CSMD1: variants seen among roughly 807,000 people sequenced by gnomAD.
The protein encoded by CSMD1 is CUB and Sushi multiple domains 1, also known as CUB and sushi domain-containing protein 1.
Under a neutral mutation model 417.5 loss-of-function variants are expected in CSMD1, and 213 were observed. That is an observed-to-expected ratio of 0.51 (90% confidence interval 0.46 to 0.57). The LOEUF is 0.57. Among genes scored for constraint, CSMD1 ranks in the 20% least tolerant of loss-of-function variants. The probability of loss-of-function intolerance (pLI) is 0.00; values close to 1 mark genes in which losing one functional copy is unlikely to be tolerated. For synonymous variants in CSMD1, 2,862 were observed against 1,736.8 expected (o/e 1.65, Z -16.11); for missense variants, 6,923 against 4,529.7 (o/e 1.53, Z -15.17).
intron 3 of CSMD1, among the ~76,000 whole-genome samples, chr8:4,347,383 A>C (rs1354962440): frequency 6.6e-6 from 1 of 152,184 alleles, no homozygotes; most frequent in Non-Finnish European, 1.5e-5. Context: ...ATTTCTTGGG[A>C]CATCTAAGAC....
At position 4,260,558 on chromosome 8, in the gene CSMD1, T is replaced by C. The variant is rs1272814616; in HGVS notation, c.415+159395A>G. On this transcript the variant is annotated intron_variant, in intron 3 of 69. Coordinates refer to ENST00000635120, the MANE Select transcript of CSMD1 (RefSeq NM_033225.6). ...CATAGCCAGAATACCTGGATTTTAT[T>C]GACTCCTGGAGAAAAGTTTGTAATA... Among the ~76,000 whole-genome samples the C allele has an allele frequency of 2.0e-5, 3 of 152,220 alleles. No homozygotes were observed. In the East Asian group the frequency reaches 5.8e-4, roughly 29 times the overall value.
intron 2 of CSMD1, among the ~76,000 whole-genome samples, chr8:4,549,256 A>G (rs1797761345): frequency 6.6e-6 from 1 of 152,208 alleles, no homozygotes; most frequent in African/African-American, 2.4e-5. Flanking sequence ...CAGAATGCCA[A>G]AGAAATTATA....
At chr8:4,097,494 T>C (rs1272836936) in intron 3 of CSMD1, among the ~76,000 whole-genome samples, 1 of 152,208 alleles carries the variant, frequency 6.6e-6, no homozygotes, top group Non-Finnish European at 1.5e-5. Context: ...AAGATTTAGA[T>C]TCCCTTTGAA....
chr8:4,380,104 A>G (rs890113075), intron 3 of CSMD1, among the ~76,000 whole-genome samples: 7 of 152,250 alleles, frequency 4.6e-5, no homozygotes, highest in African/African-American at 1.4e-4. Context: ...GGAGAAAAAT[A>G]AAACAAATTC....
At chr8:3,493,749 T>G in intron 10 of CSMD1, 23 bp from the exon 11 acceptor site, 1 of 1,578,530 alleles carries the variant, frequency 6.3e-7, no homozygotes, top group Non-Finnish European at 8.6e-7. Flanking sequence ...TACGAAACAG[T>G]GACTTAGAAC....
chr8:3,399,603 G>T, intron 15 of CSMD1, 74 bp from the exon 16 acceptor site: 2 of 1,123,360 alleles, frequency 1.8e-6, no homozygotes, highest in Non-Finnish European at 2.4e-6. Flanking sequence ...CCGGATAAAA[G>T]CCAGAATCTG....
chr8:4,008,494 A>C (rs1270937871), intron 4 of CSMD1, among the ~76,000 whole-genome samples: 3 of 151,176 alleles, frequency 2.0e-5, no homozygotes, highest in African/African-American at 7.3e-5. Context: ...CCTTGTTTAC[A>C]CATGATGCAG....
intron 5 of CSMD1, among the ~76,000 whole-genome samples, chr8:3,993,850 C>T (rs139765533): frequency 3.2e-4 from 48 of 152,264 alleles, no homozygotes; most frequent in African/African-American, 1.2e-3. Flanking sequence ...CTCTGCATGC[C>T]CCTCTAAGCA....
At chr8:3,731,492 G>T (rs1012391158) in intron 6 of CSMD1, among the ~76,000 whole-genome samples, 1 of 152,192 alleles carries the variant, frequency 6.6e-6, no homozygotes, top group South Asian at 2.1e-4. Context: ...CCCAGCCACT[G>T]TTGGACAATT....
At chr8:4,535,059 C>T (rs1428724850) in intron 2 of CSMD1, among the ~76,000 whole-genome samples, 1 of 152,144 alleles carries the variant, frequency 6.6e-6, no homozygotes, top group African/African-American at 2.4e-5. Flanking sequence ...CCACGCCTGG[C>T]CAATTTATTT....
intron 1 of CSMD1, among the ~76,000 whole-genome samples, chr8:4,968,021 G>T (rs949805680): frequency 6.6e-6 from 1 of 151,976 alleles, no homozygotes; most frequent in African/African-American, 2.4e-5. Flanking sequence ...TTATATAATT[G>T]AATCTGACAA....
At chr8:3,863,361 A>G (rs1804853186) in intron 5 of CSMD1, among the ~76,000 whole-genome samples, 1 of 147,136 alleles carries the variant, frequency 6.8e-6, no homozygotes, top group African/African-American at 2.5e-5. Flanking sequence ...GTGCCACTGC[A>G]CTCTAGCCTA....
At chr8:3,609,717 T>C (rs965075636) in intron 8 of CSMD1, among the ~76,000 whole-genome samples, 6 of 128,940 alleles carry the variant, frequency 4.7e-5, no homozygotes, top group African/African-American at 1.4e-4. Context: ...ATGTTAGTCA[T>C]TAGTTTTGAT....
At chr8:4,873,468 G>C (rs960858864) in intron 1 of CSMD1, among the ~76,000 whole-genome samples, 1 of 152,038 alleles carries the variant, frequency 6.6e-6, no homozygotes, top group Non-Finnish European at 1.5e-5. Flanking sequence ...AAAAATTCCA[G>C]AAATTTTACT....
intron 30 of CSMD1, among the ~76,000 whole-genome samples, chr8:3,212,483 G>T (rs996217222): frequency 6.6e-6 from 1 of 152,044 alleles, no homozygotes; most frequent in South Asian, 2.1e-4. Flanking sequence ...CAAGCAGCTG[G>T]GACTACAGGC....
rs1408525712 is a variant in CSMD1 at position 3,087,106 on chromosome 8, G to C, written c.7465C>G (p.Leu2489Val). ...GMYQWDSLTP[L>V]CQAVSCGIPE... ...AAAACGCATTTCTTACCCTGGCAGA[G>C]TGGCGTGAGGGAGTCCCACTGGTAC... is the stretch of plus-strand genomic sequence containing the variant. Residue 2489 changes from leucine (L) to valine (V), a missense_variant, in exon 49 of 70, where the codon CTC becomes GTC. Physicochemically the swap from Leu to Val is conservative, Grantham distance 32. Transcript: ENST00000635120. The C allele has an allele frequency of 1.9e-6, 3 of 1,612,994 alleles. No homozygotes were observed. Among genetic ancestry groups the C allele is most frequent in the Non-Finnish European group, 1.7e-6 (2 of 1,179,684 alleles).
At chr8:3,537,722 T>C (rs971475741) in intron 10 of CSMD1, among the ~76,000 whole-genome samples, 10 of 152,214 alleles carry the variant, frequency 6.6e-5, no homozygotes, top group Middle Eastern at 3.2e-3. Context: ...TCATACATTA[T>C]CAAGAATCAA....
intron 8 of CSMD1, among the ~76,000 whole-genome samples, chr8:3,613,577 G>T (rs1050788278): frequency 2.0e-5 from 3 of 151,818 alleles, no homozygotes; most frequent in African/African-American, 7.3e-5. Flanking sequence ...TATTATTTCA[G>T]AATATGAGTT....
chr8:3,059,120 G>A (rs1812420537), intron 49 of CSMD1, among the ~76,000 whole-genome samples: 1 of 151,848 alleles, frequency 6.6e-6, no homozygotes, highest in African/African-American at 2.4e-5. Flanking sequence ...GACGCTGCAA[G>A]TGCAAATGAA....
Sources: allele counts gnomAD v4.1 joint callset (sites outside exome capture counted in the v4.1 genomes callset), GRCh38; gene constraint gnomAD v4.1.1; transcripts MANE v1.5; gene names NCBI Gene and HGNC (gene_info 2026-07-23, HGNC 2026-07-21).